Variants in SIAH2 observed in about 807,000 individuals in gnomAD.
The protein encoded by SIAH2 is siah E3 ubiquitin protein ligase 2, also known as E3 ubiquitin-protein ligase SIAH2.
SIAH2 carries 4 observed loss-of-function variants against 20.4 expected under a neutral mutation model. The ratio of observed to expected loss-of-function variants is 0.20; its 90% CI spans 0.10 to 0.45. The LOEUF (loss-of-function observed/expected upper bound fraction) is 0.45, where lower values mean the gene tolerates loss of function less well. SIAH2 is among the 20% of genes least tolerant of loss of function. The pLI is 0.99. For missense variants in SIAH2, 259 were observed against 440.3 expected, an observed-to-expected ratio of 0.59 and a Z score of 3.69; for synonymous variants, 171 against 192.5, an observed-to-expected ratio of 0.89 and a Z score of 0.93.
At chr3:150,751,725 T>C (rs2108121183) in intron 1 of SIAH2, among the ~76,000 whole-genome samples, 1 of 152,326 alleles carries the variant, frequency 6.6e-6, no homozygotes, top group East Asian at 1.9e-4. Flanking sequence ...ATAAATTTCT[T>C]TTCTTTCTTT....
chr3:150,755,664 T>C (rs972135037), intron 1 of SIAH2, among the ~76,000 whole-genome samples: 2 of 152,110 alleles, frequency 1.3e-5, no homozygotes. Context: ...ATTACAGGCA[T>C]GCGCCACCAC....
At chr3:150,757,705 G>A (rs1714514819) in intron 1 of SIAH2, among the ~76,000 whole-genome samples, 1 of 152,036 alleles carries the variant, frequency 6.6e-6, no homozygotes, top group Non-Finnish European at 1.5e-5. Flanking sequence ...TCCAGGCTGG[G>A]CACGGTGGCT....
At position 150,762,269 on chromosome 3, in the gene SIAH2, C is replaced by T. The variant is rs1036539895; in HGVS notation, c.417+164G>A. Reference sequence around the variant, plus strand: ...CTCGGTAAATGTCAACCCAGACCTACACCCAAAGTGGGCTTGAGGGAGGGT... The same window carrying T: ...CTCGGTAAATGTCAACCCAGACCTATACCCAAAGTGGGCTTGAGGGAGGGT... On this transcript the variant is annotated intron_variant, in intron 1 of 1. Coordinates refer to ENST00000312960, the MANE Select transcript of SIAH2 (RefSeq NM_005067.7). This position sits in a 1 kb window ranked among gnomAD's most constrained non-coding sequence, Gnocchi z 6.6. The T allele has an allele frequency of 7.2e-6, 10 of 1,380,258 alleles. No homozygotes were observed. The East Asian group carries it at 7.5e-5, about 10-fold the overall frequency. The allele number at this position is 1,380,258 out of a possible 1,614,324, so 85.5% of individuals were successfully genotyped here.
chr3:150,759,940 G>GT (rs1005347029), intron 1 of SIAH2, among the ~76,000 whole-genome samples: 8 of 152,094 alleles, frequency 5.3e-5, no homozygotes, highest in Non-Finnish European at 1.0e-4. Context: ...TTCAACGTTG[G>GT]TTTTTTTCAC....
intron 1 of SIAH2, among the ~76,000 whole-genome samples, chr3:150,752,894 A>G (rs946510967): frequency 3.3e-5 from 5 of 152,172 alleles, no homozygotes; most frequent in African/African-American, 1.2e-4. Flanking sequence ...GTAGTGAAAA[A>G]GACACTGTAT....
intron 1 of SIAH2, among the ~76,000 whole-genome samples, chr3:150,746,108 A>G (rs1415967338): frequency 6.6e-6 from 1 of 152,076 alleles, no homozygotes; most frequent in Admixed American, 6.6e-5. Context: ...ATAAAACCTC[A>G]AGGAGGCCAG....
chr3:150,751,361 T>C (rs1576581928), intron 1 of SIAH2, among the ~76,000 whole-genome samples: 1 of 151,442 alleles, frequency 6.6e-6, no homozygotes, highest in Admixed American at 6.6e-5. Context: ...GAGGTGGAGG[T>C]TACAGTGAGC....
Position 150,745,277 on chromosome 3 carries a change from A to ACACACC in SIAH2, c.418-2580_418-2579insGGTGTG, listed in dbSNP as rs1491209324. 4.6e-5 allele frequency among the ~76,000 whole-genome samples: 6 copies of ACACACC among 129,036 alleles called. No homozygotes were observed. The East Asian group carries it at 6.8e-4, about 15-fold the overall frequency. The allele number at this position is 129,036 out of a possible 152,430, so 84.7% of individuals were successfully genotyped here. A position where few individuals can be genotyped will look rare whatever the true frequency, so the allele number is the denominator to read the frequency against. ...CACACACACACACACACACACACAC[A>ACACACC]CCCCACATTTCATACTTCAAGCAGT... On this transcript the variant is annotated intron_variant, in intron 1 of 1. Transcript: ENST00000312960.
chr3:150,757,367 C>T (rs1275558479), intron 1 of SIAH2, among the ~76,000 whole-genome samples: 1 of 152,156 alleles, frequency 6.6e-6, no homozygotes, highest in African/African-American at 2.4e-5. Context: ...TAGAGTCAAA[C>T]ATCTAGTCAC....
At chr3:150,759,553 G>A (rs543248373) in intron 1 of SIAH2, among the ~76,000 whole-genome samples, 4 of 152,200 alleles carry the variant, frequency 2.6e-5, no homozygotes, top group South Asian at 2.1e-4. Context: ...ACTCAGATTC[G>A]AAATCCCTAC....
At chr3:150,753,527 C>T (rs923463005) in intron 1 of SIAH2, among the ~76,000 whole-genome samples, 4 of 152,178 alleles carry the variant, frequency 2.6e-5, no homozygotes, top group African/African-American at 9.7e-5. Flanking sequence ...CCGGGTGTGG[C>T]GGCTCATGCC....
Position 150,762,226 on chromosome 3 carries a change from G to A in SIAH2, c.417+207C>T, listed in dbSNP as rs1576584905. 9.5e-7 allele frequency: 1 copy of A among 1,047,680 alleles called. No individual in the cohort carries two copies. Among genetic ancestry groups the A allele is most frequent in the Non-Finnish European group, 1.3e-6 (1 of 753,412 alleles). The allele number at this position is 1,047,680 out of a possible 1,614,324, so 64.9% of individuals were successfully genotyped here. On this transcript the variant is annotated intron_variant, in intron 1 of 1. Transcript: ENST00000312960. This position sits in a 1 kb window ranked among gnomAD's most constrained non-coding sequence, Gnocchi z 6.6. ...GCAAATGCCAATTAATCTGTTAATT[G>A]TCTATTAACAATTATTACTCGGTAA...
At chr3:150,749,793 A>G (rs1413989964) in intron 1 of SIAH2, among the ~76,000 whole-genome samples, 1 of 152,198 alleles carries the variant, frequency 6.6e-6, no homozygotes, top group Non-Finnish European at 1.5e-5. Context: ...TTTGGCCCCT[A>G]TAGAAGACAA....
At chr3:150,760,924 TAGTA>T (rs1367506482) in intron 1 of SIAH2, among the ~76,000 whole-genome samples, 2 of 152,260 alleles carry the variant, frequency 1.3e-5, no homozygotes, top group Non-Finnish European at 2.9e-5. Context: ...CTGAGTGAAT[TAGTA>T]AGCACTATAT....
intron 1 of SIAH2, among the ~76,000 whole-genome samples, chr3:150,746,373 G>A (rs1210901218): frequency 1.3e-5 from 2 of 152,164 alleles, no homozygotes; most frequent in African/African-American, 2.4e-5. Flanking sequence ...TGCAGCCTGG[G>A]CAACAGACTG....
At chr3:150,751,821 A>G (rs915264423) in intron 1 of SIAH2, among the ~76,000 whole-genome samples, 2 of 152,108 alleles carry the variant, frequency 1.3e-5, no homozygotes, top group African/African-American at 4.8e-5. Context: ...AGCCTCTCGA[A>G]GTGTTGGGAT....
At position 150,742,102 on chromosome 3, in the gene SIAH2, A is replaced by C; in HGVS notation, c.*39T>G. On this transcript the variant is annotated 3_prime_UTR_variant, in exon 2 of 2. Coordinates refer to ENST00000312960, the MANE Select transcript of SIAH2 (RefSeq NM_005067.7). This position sits in a 1 kb window ranked among gnomAD's most constrained non-coding sequence, Gnocchi z 4.8. ...TAAAAACCTTTATTAAACATAGAGCACTATGCCCAAATAATTTTGAAGGTT... is the reference window on the plus strand; with the variant it reads ...TAAAAACCTTTATTAAACATAGAGCCCTATGCCCAAATAATTTTGAAGGTT... 4 of 1,551,042 alleles carry C rather than the reference A, an allele frequency of 2.6e-6. No homozygotes were observed. The highest frequency in any genetic ancestry group is 3.5e-6 in the Non-Finnish European group (4 of 1,136,818).
chr3:150,743,276 G>C (rs1324024722), intron 1 of SIAH2, among the ~76,000 whole-genome samples: 1 of 152,232 alleles, frequency 6.6e-6, no homozygotes, highest in Non-Finnish European at 1.5e-5. Flanking sequence ...GGGCAGCGGA[G>C]GCCTGGAGAC....
intron 1 of SIAH2, among the ~76,000 whole-genome samples, chr3:150,745,737 C>T (rs776773090): frequency 2.0e-5 from 3 of 152,082 alleles, no homozygotes; most frequent in African/African-American, 4.8e-5. Context: ...CCTCGTGATC[C>T]ACCCGCCACG....
Sources: gnomAD v4.1 joint callset for allele counts (sites outside exome capture counted in the v4.1 genomes callset) on GRCh38, gnomAD v4.1.1 for gene constraint, Gnocchi (gnomAD v3.1) non-coding constraint, MANE v1.5 for transcripts, NCBI Gene and HGNC (gene_info 2026-07-23, HGNC 2026-07-21) for gene names.